The following SNW1 variants were observed in gnomAD, a reference collection of about 807,000 sequenced individuals.
The protein encoded by SNW1 is SNW domain-containing protein 1.
A neutral mutation model predicts 75.6 loss-of-function variants in SNW1; 9 were observed. That is an observed-to-expected ratio of 0.12 (90% CI 0.07 to 0.21). SNW1 has a LOEUF of 0.21. SNW1 is among the 10% of genes least tolerant of loss of function. The pLI is 1.00. For missense variants in SNW1, 409 were observed against 670.9 expected, an observed-to-expected ratio of 0.61 and a Z score of 4.31; for synonymous variants, 200 against 219.1, an observed-to-expected ratio of 0.91 and a Z score of 0.77.
At chr14:77,722,703 G>T in intron 11 of SNW1, 1 of 360,668 alleles carries the variant, frequency 2.8e-6, no homozygotes, top group Non-Finnish European at 5.4e-6. Context: ...AAGTAGTTAA[G>T]TACAAGAAAA....
chr14:77,730,841 G>A, intron 10 of SNW1, 147 bp downstream of exon 10: 1 of 802,656 alleles, frequency 1.2e-6, no homozygotes, highest in East Asian at 2.7e-5. Flanking sequence ...CTAAGGCAGA[G>A]ATTACTCTCC....
At chr14:77,760,663 T>G in intron 1 of SNW1, 1 of 702,370 alleles carries the variant, frequency 1.4e-6, no homozygotes, top group Non-Finnish European at 2.6e-6. Flanking sequence ...GAATCCTTGT[T>G]TCGGGACACC....
intron 8 of SNW1, among the ~76,000 whole-genome samples, chr14:77,733,708 G>C (rs556129819): frequency 2.7e-5 from 3 of 112,670 alleles, no homozygotes; most frequent in Non-Finnish European, 4.9e-5. Context: ...TCATACCACT[G>C]TACTCCAGCC....
At chr14:77,760,658 C>T in intron 1 of SNW1, 3 of 702,248 alleles carry the variant, frequency 4.3e-6, no homozygotes, top group Non-Finnish European at 7.8e-6. Context: ...TTCAGGAATC[C>T]TTGTTTCGGG....
intron 1 of SNW1, among the ~76,000 whole-genome samples, chr14:77,756,888 AAAC>A (rs1013457492): frequency 3.9e-5 from 6 of 152,340 alleles, no homozygotes; most frequent in South Asian, 2.1e-4. Flanking sequence ...TCAAACAAAC[AAAC>A]AACAACAAAA....
At position 77,738,956 on chromosome 14, in the gene SNW1, T is replaced by G. The variant is rs372022295; in HGVS notation, c.426+10A>C. ...GTAAATAGTCATCGAATATATCAAT[T>G]CCCAGTTACCTCTTTAATAGCTTCT... On this transcript the variant is annotated intron_variant, in intron 4 of 13. Coordinates refer to ENST00000261531, the MANE Select transcript of SNW1 (RefSeq NM_012245.3). 74 of 1,612,264 alleles carry G rather than the reference T, an allele frequency of 4.6e-5. No homozygotes were observed. The Middle Eastern group carries it at 8.2e-4, about 18-fold the overall frequency.
intron 8 of SNW1, among the ~76,000 whole-genome samples, chr14:77,733,099 T>C (rs2080640208): frequency 6.6e-6 from 1 of 152,220 alleles, no homozygotes; most frequent in African/African-American, 2.4e-5. Flanking sequence ...CACTTACACC[T>C]ATGGTCTCAT....
At chr14:77,729,693 T>C (rs2080613856) in intron 10 of SNW1, among the ~76,000 whole-genome samples, 1 of 152,120 alleles carries the variant, frequency 6.6e-6, no homozygotes, top group Non-Finnish European at 1.5e-5. Flanking sequence ...CACCAAAAAA[T>C]TTAAAAAGTA....
chr14:77,755,407 G>T (rs1031755401), intron 1 of SNW1, among the ~76,000 whole-genome samples: 1 of 151,994 alleles, frequency 6.6e-6, no homozygotes, highest in African/African-American at 2.4e-5. Context: ...ACTCTTAAGC[G>T]TTTATGCTTC....
rs554967801 is a variant in SNW1, at chr14:77,756,840, T to C, written c.15-1720A>G. Among the ~76,000 whole-genome samples, 16 of 152,130 alleles carry C rather than the reference T, an allele frequency of 1.1e-4. No homozygotes were observed. The South Asian group carries it at 2.1e-3, about 20-fold the overall frequency. On this transcript the variant is annotated intron_variant, in intron 1 of 13. Coordinates refer to ENST00000261531, the MANE Select transcript of SNW1 (RefSeq NM_012245.3). ...GGTACAGTGAGCCAAGATTGCACCA[T>C]TGCACTCCAGCCTAGGCAACAACAG...
At chr14:77,753,002 TATA>T (rs374468958) in intron 2 of SNW1, among the ~76,000 whole-genome samples, 2 of 152,202 alleles carry the variant, frequency 1.3e-5, no homozygotes, top group Admixed American at 6.5e-5. Flanking sequence ...GTTTTTCAAC[TATA>T]ATAAGTACTT....
chr14:77,738,286 G>GC (rs1481923452), intron 5 of SNW1, among the ~76,000 whole-genome samples: 1 of 152,064 alleles, frequency 6.6e-6, no homozygotes, highest in Non-Finnish European at 1.5e-5. Context: ...GGGCAACAGA[G>GC]CAAGATTCTG....
intron 12 of SNW1, among the ~76,000 whole-genome samples, chr14:77,718,867 C>T (rs1329998541): frequency 1.3e-5 from 2 of 152,160 alleles, no homozygotes; most frequent in African/African-American, 2.4e-5. Flanking sequence ...TGTGCCACCA[C>T]ACCCAGCTAA....
At chr14:77,721,875 G>C (rs910010074) in intron 11 of SNW1, among the ~76,000 whole-genome samples, 2 of 152,134 alleles carry the variant, frequency 1.3e-5, no homozygotes, top group African/African-American at 4.8e-5. Flanking sequence ...GGCCTCTCGA[G>C]TAGCTGGGAC....
Position 77,737,085 on chromosome 14 carries a change from G to A in SNW1, c.534-10C>T. 2 of 1,596,554 alleles carry A rather than the reference G, an allele frequency of 1.3e-6. No individual in the cohort carries two copies. Among genetic ancestry groups the A allele is most frequent in the Non-Finnish European group, 1.7e-6 (2 of 1,164,684 alleles). On this transcript the variant is annotated splice_polypyrimidine_tract_variant and intron_variant, in intron 5 of 13. Transcript: ENST00000261531. The stretch of plus-strand genomic sequence containing the variant: ...CTGAGATGGTGTGTATCTGAAGAAA[G>A]CAGATAAAAACTAAAGGTGTAATTA...
chr14:77,745,986 T>C (rs913907466), intron 3 of SNW1, among the ~76,000 whole-genome samples: 1 of 152,168 alleles, frequency 6.6e-6, no homozygotes, highest in African/African-American at 2.4e-5. Context: ...ATTGTGCCAC[T>C]GCACTCCAGC....
chr14:77,740,613 C>G (rs1171189821), intron 3 of SNW1, among the ~76,000 whole-genome samples: 10 of 152,164 alleles, frequency 6.6e-5, no homozygotes, highest in Admixed American at 6.5e-4. Context: ...GTTTATCATT[C>G]TTCAAGTAAG....
chr14:77,722,009 A>G (rs1481294114), intron 11 of SNW1, among the ~76,000 whole-genome samples: 1 of 152,174 alleles, frequency 6.6e-6, no homozygotes, highest in Non-Finnish European at 1.5e-5. Context: ...TGGCCTGCCA[A>G]AGTGCTGGGA....
chr14:77,746,594 GTTTGTAT>G (rs898141463), intron 3 of SNW1, among the ~76,000 whole-genome samples: 4 of 152,122 alleles, frequency 2.6e-5, no homozygotes, highest in African/African-American at 9.7e-5. Context: ...TCAACAAGAT[GTTTGTAT>G]GTGGATCTTG....
Sources: gnomAD v4.1 joint callset for allele counts (sites outside exome capture counted in the v4.1 genomes callset) on GRCh38, gnomAD v4.1.1 for gene constraint, MANE v1.5 for transcripts, NCBI Gene and HGNC (gene_info 2026-07-23, HGNC 2026-07-21) for gene names.